The following ZNF469 variants were observed in gnomAD, a reference collection of about 807,000 sequenced individuals.
ZNF469 encodes the protein zinc finger protein 469.
A neutral mutation model predicts 1.0 loss-of-function variants in ZNF469; 1 was observed. The ratio of observed to expected loss-of-function variants is 1.00; its 90% CI spans 0.35 to 4.73. The LOEUF (loss-of-function observed/expected upper bound fraction) is 4.73. Among genes scored for constraint, ZNF469 ranks in the 30% most tolerant of loss-of-function variants. ZNF469 has a pLI of 0.16. For synonymous variants in ZNF469, 2,703 were observed against 2,363.4 expected, an observed-to-expected ratio of 1.14 and a Z score of -4.17; for missense variants, 6,100 against 5,356.3, an observed-to-expected ratio of 1.14 and a Z score of -4.33.
In ZNF469 at chr16:88,436,935, G is replaced by A. The variant is rs1397579730; in HGVS notation, c.9465G>A (p.Ser3155=). 1.3e-6 allele frequency: 2 copies of A among 1,492,684 alleles called. No individual in the cohort carries two copies. The highest frequency in any genetic ancestry group is 1.4e-5 in the African/African-American group (1 of 71,844). 92.5% of individuals were successfully genotyped at this position (1,492,684 alleles called of 1,614,324 possible). ...CYMCVERRFG[S]RELLRGHLQE... The stretch of plus-strand genomic sequence containing the variant: ...TGTGCGTGGAGCGCAGGTTTGGCTC[G>A]CGGGAGCTGCTGCGGGGGCACCTGC... The change falls in exon 3 of 3, where the codon TCG becomes TCA. Residue 3155 remains serine, a synonymous_variant. Coordinates refer to ENST00000565624, the MANE Select transcript of ZNF469 (RefSeq NM_001367624.2).
chr16:88,379,555 G>A (rs2092515996), upstream of ZNF469, among the ~76,000 whole-genome samples: 1 of 152,126 alleles, frequency 6.6e-6, no homozygotes, highest in African/African-American at 2.4e-5. Flanking sequence ...CTGGAGCAAA[G>A]CTGCCCCCAG....
chr16:88,245,613 C>T, the ZNF469 span, among the ~76,000 whole-genome samples: 109 of 152,382 alleles, frequency 7.2e-4, no homozygotes, highest in East Asian at 0.018. Flanking sequence ...CCTTCCTCAT[C>T]CTCCACAAGC....
At chr16:88,125,142 C>G in the ZNF469 span, among the ~76,000 whole-genome samples, 1 of 152,192 alleles carries the variant, frequency 6.6e-6, no homozygotes, top group Admixed American at 6.5e-5. Context: ...ATGTTCTTTC[C>G]TCACAGAATT....
intron 1 of ZNF469, among the ~76,000 whole-genome samples, chr16:88,392,347 T>A (rs1033231221): frequency 6.6e-6 from 1 of 152,268 alleles, no homozygotes; most frequent in Non-Finnish European, 1.5e-5. Context: ...TGCCTTGCAA[T>A]CCTGATGCCA....
chr16:88,388,332 G>A (rs1000555296), intron 1 of ZNF469, among the ~76,000 whole-genome samples: 3 of 152,252 alleles, frequency 2.0e-5, no homozygotes, highest in Admixed American at 1.3e-4. Flanking sequence ...TGGGCTGTTC[G>A]CAGGGCCAGC....
chr16:88,231,240 C>T, the ZNF469 span, among the ~76,000 whole-genome samples: 2 of 152,254 alleles, frequency 1.3e-5, no homozygotes, highest in East Asian at 3.9e-4. The surrounding 1 kb of genome is among the most constrained non-coding windows in gnomAD (Gnocchi z 4.5). Flanking sequence ...TCGGTCAGAG[C>T]CCAGCAGGAG....
chr16:88,254,311 G>A, the ZNF469 span, among the ~76,000 whole-genome samples: 3 of 152,268 alleles, frequency 2.0e-5, no homozygotes, highest in Non-Finnish European at 2.9e-5. Flanking sequence ...CTAAAAGTCA[G>A]TTGTATATAT....
At chr16:88,353,236 G>A in the ZNF469 span, among the ~76,000 whole-genome samples, 3 of 152,168 alleles carry the variant, frequency 2.0e-5, no homozygotes, top group Non-Finnish European at 2.9e-5. Context: ...CACTCGAGAC[G>A]TCACAATACG....
chr16:88,320,604 G>T, the ZNF469 span, among the ~76,000 whole-genome samples: 2 of 152,144 alleles, frequency 1.3e-5, no homozygotes, highest in Non-Finnish European at 2.9e-5. Flanking sequence ...GGCTGGACTT[G>T]AACTCCTGAC....
upstream of ZNF469, among the ~76,000 whole-genome samples, chr16:88,378,558 T>C (rs1018887843): frequency 1.3e-5 from 2 of 152,098 alleles, no homozygotes; most frequent in African/African-American, 2.4e-5. Flanking sequence ...TCCTGCCCCA[T>C]AGGGAGCGCC....
the ZNF469 span, among the ~76,000 whole-genome samples, chr16:88,251,424 A>T: frequency 1.8e-4 from 28 of 151,746 alleles, no homozygotes; most frequent in South Asian, 8.4e-4. Context: ...CAGCTCTGGA[A>T]TCTGTTGTGT....
chr16:88,144,650 C>T, the ZNF469 span, among the ~76,000 whole-genome samples: 27 of 152,332 alleles, frequency 1.8e-4, no homozygotes, highest in East Asian at 2.5e-3. Flanking sequence ...TATGTTCTCT[C>T]TGTCATCACC....
At chr16:88,292,954 T>C in the ZNF469 span, among the ~76,000 whole-genome samples, 1 of 152,358 alleles carries the variant, frequency 6.6e-6, no homozygotes, top group Admixed American at 6.5e-5. Context: ...CTAAATGCCC[T>C]TGGGGAGGCC....
rs758964921 is a variant in ZNF469 at position 88,433,848 on chromosome 16, C to A, written c.6378C>A (p.Ser2126Arg). 10 of 1,549,674 alleles carry A rather than the reference C, an allele frequency of 6.5e-6. No individual in the cohort carries two copies. The South Asian group carries it at 7.1e-5, about 11-fold the overall frequency. The change falls in exon 3 of 3, where the codon AGC (serine) becomes AGA (arginine). Residue 2126 changes from serine to arginine, a missense_variant. Coordinates refer to ENST00000565624, the MANE Select transcript of ZNF469 (RefSeq NM_001367624.2). ...CTTCAGCCGCCCACATGCCCTGCAG[C>A]CTTGGGCCCCTGCCCCGTGAAGACC... The part of the protein sequence containing the change: ...SPTSAAHMPC[S>R]LGPLPREDPL...
the ZNF469 span, among the ~76,000 whole-genome samples, chr16:88,128,256 C>T: frequency 2.0e-5 from 3 of 151,966 alleles, no homozygotes; most frequent in Non-Finnish European, 2.9e-5. Flanking sequence ...AGGCCTTTCT[C>T]GGGGGGCTGT....
the ZNF469 span, among the ~76,000 whole-genome samples, chr16:88,251,402 C>A: frequency 6.6e-6 from 1 of 152,064 alleles, no homozygotes; most frequent in Non-Finnish European, 1.5e-5. Flanking sequence ...AATGTAGATG[C>A]TATGTCGGCA....
rs1198446442 is a variant in ZNF469 at position 88,438,777 on chromosome 16, C to G, written c.11307C>G (p.Ser3769Arg). The part of the protein sequence containing the change: ...SETATTPAKP[S>R]FPSRSPAPER... The stretch of plus-strand genomic sequence containing the variant: ...CAGCCACCACCCCAGCCAAGCCCAG[C>G]TTCCCCAGCCGGAGCCCTGCACCAG... Residue 3769 changes from serine to arginine, a missense_variant, in exon 3 of 3, where the codon AGC becomes AGG. Transcript: ENST00000565624. 1 of 1,550,192 alleles carries G rather than the reference C, an allele frequency of 6.5e-7. No individual in the cohort carries two copies. The highest frequency in any genetic ancestry group is 1.2e-5 in the South Asian group (1 of 84,044).
the ZNF469 span, chr16:88,191,783 C>T: frequency 6.6e-6 from 1 of 152,198 alleles, no homozygotes; most frequent in South Asian, 2.1e-4. Context: ...ACTCTCAGAA[C>T]GCAGGCAGAG....
the ZNF469 span, among the ~76,000 whole-genome samples, chr16:88,247,357 T>C: frequency 8.7e-4 from 87 of 100,446 alleles, 1 homozygote; most frequent in East Asian, 5.8e-3. Flanking sequence ...AGTGAATGAG[T>C]GAGTGAATGA....
Sources: allele counts gnomAD v4.1 joint callset (sites outside exome capture counted in the v4.1 genomes callset), GRCh38; gene constraint gnomAD v4.1.1; non-coding constraint Gnocchi (gnomAD v3.1); transcripts MANE v1.5; gene names NCBI Gene and HGNC (gene_info 2026-07-23, HGNC 2026-07-21).